Variants in R3HDM4 observed in about 807,000 individuals in gnomAD.
R3HDM4 encodes R3H domain containing 4.
R3HDM4 carries 30 observed loss-of-function variants against 31.3 expected under a neutral mutation model. The ratio of observed to expected loss-of-function variants is 0.96; its 90% CI spans 0.72 to 1.30. R3HDM4 has a LOEUF of 1.30. Among genes scored for constraint, R3HDM4 ranks in the 50% most tolerant of loss-of-function variants. R3HDM4 has a pLI of 0.00. For missense variants in R3HDM4, 444 were observed against 366.1 expected (o/e 1.21, Z -1.74); for synonymous variants, 196 against 156.6 (o/e 1.25, Z -1.88).
rs758111135 is a variant in R3HDM4, at chr19:900,863, C to T, written c.441G>A (p.Arg147=). 3 of 1,555,616 alleles carry T rather than the reference C, an allele frequency of 1.9e-6. No individual in the cohort carries two copies. The highest frequency in any genetic ancestry group is 1.7e-6 in the Non-Finnish European group (2 of 1,151,528). Residue 147 remains arginine (R), a synonymous_variant, in exon 4 of 8, where the codon AGG becomes AGA. Transcript: ENST00000361574. ...GGTCCTCCCCACGGCCAGGGCCCCT[C>T]CTCCGCGCCTTGCTCCTGCCCTCAT... ...LEDEGRSKAR[R]RGPGRGEDRR...
At chr19:906,151 A>T (rs2036902206) in intron 1 of R3HDM4, among the ~76,000 whole-genome samples, 6 of 151,296 alleles carry the variant, frequency 4.0e-5, no homozygotes, top group Admixed American at 3.9e-4. Flanking sequence ...CAGCCTCCGG[A>T]GTAGCTGGGT....
At chr19:910,053 C>T (rs2036952954) in intron 1 of R3HDM4, among the ~76,000 whole-genome samples, 1 of 151,870 alleles carries the variant, frequency 6.6e-6, no homozygotes, top group Admixed American at 6.6e-5. Context: ...AGGCCGGGCG[C>T]AGTGGCTCAT....
At chr19:906,354 G>A (rs1219747818) in intron 1 of R3HDM4, among the ~76,000 whole-genome samples, 1 of 151,774 alleles carries the variant, frequency 6.6e-6, no homozygotes, top group Non-Finnish European at 1.5e-5. Flanking sequence ...CGAGTAGCTG[G>A]GACTACAGGT....
chr19:903,168 C>T (rs901226), intron 1 of R3HDM4, among the ~76,000 whole-genome samples: 7,812 of 151,546 alleles, frequency 0.052, 658 homozygotes, highest in African/African-American at 0.18. Context: ...TATCCACATC[C>T]CCCACTCCCA....
intron 2 of R3HDM4, 178 bp from the exon 3 acceptor site, chr19:901,724 A>G: frequency 1.1e-6 from 1 of 923,232 alleles, no homozygotes. Flanking sequence ...TGGATTGTCG[A>G]ACTCCTATAT....
intron 2 of R3HDM4, chr19:901,772 T>G: frequency 1.5e-5 from 7 of 461,964 alleles, no homozygotes; most frequent in Non-Finnish European, 2.8e-5. Context: ...CGGGGCGCCC[T>G]CCCACCCAGC....
intron 3 of R3HDM4, 191 bp downstream of exon 3, chr19:901,231 C>T (rs940044627): frequency 1.4e-6 from 1 of 693,358 alleles, no homozygotes; most frequent in Admixed American, 3.0e-5. Flanking sequence ...AATCCAGGAG[C>T]TCGAAGGTTC....
chr19:899,338 T>G lies in R3HDM4; in HGVS notation c.703+102A>C. ...CCCCACTCCAGCCCCCTTCCCCACC[T>G]CCCCACCAAGCCCCACTCTGAGGAA... On this transcript the variant is annotated intron_variant, in intron 7 of 7. Transcript: ENST00000361574. The surrounding 1 kb of genome is among the most constrained non-coding windows in gnomAD (Gnocchi z 6.8). 1 of 708,144 alleles carries G rather than the reference T, an allele frequency of 1.4e-6. No homozygotes were observed. 43.9% of individuals were successfully genotyped at this position (708,144 alleles called of 1,614,324 possible). A position where few individuals can be genotyped will look rare whatever the true frequency, so the allele number is the denominator to read the frequency against.
intron 1 of R3HDM4, among the ~76,000 whole-genome samples, chr19:908,702 T>C (rs1568343312): frequency 6.6e-6 from 1 of 152,198 alleles, no homozygotes; most frequent in Non-Finnish European, 1.5e-5. Flanking sequence ...CCCCGGTCTC[T>C]GCCTGATGCA....
At chr19:905,950 G>C (rs1793752811) in intron 1 of R3HDM4, among the ~76,000 whole-genome samples, 1 of 152,200 alleles carries the variant, frequency 6.6e-6, no homozygotes, top group African/African-American at 2.4e-5. Context: ...CTCCTCGCCA[G>C]GCTGCGGCGT....
At position 897,410 on chromosome 19, in the gene R3HDM4, G is replaced by A. The variant is rs773984131; in HGVS notation, c.*27C>T. ...GGAGGGCTTGATGGCTGGGCGAGGTGGCAGCGGGGTCTCCGCGGGGCCGCC... is the reference window on the plus strand; with the variant it reads ...GGAGGGCTTGATGGCTGGGCGAGGTAGCAGCGGGGTCTCCGCGGGGCCGCC... On this transcript the variant is annotated 3_prime_UTR_variant, in exon 8 of 8. Coordinates refer to ENST00000361574, the MANE Select transcript of R3HDM4 (RefSeq NM_138774.4). The A allele has an allele frequency of 6.6e-7, 1 of 1,518,394 alleles. No individual in the cohort carries two copies. The highest frequency in any genetic ancestry group is 2.3e-5 in the East Asian group (1 of 43,250). The allele number at this position is 1,518,394 out of a possible 1,614,324, so 94.1% of individuals were successfully genotyped here.
In R3HDM4 at chr19:899,423, GGGCCACCGGCACTTACT is replaced by G. The variant is rs781736647; in HGVS notation, c.703_703+16del. ...TGAGCTGGCCAACTTGGGGTCTTGG[GGGCCACCGGCACTTACT>G]GGCCGAGATGAGGTCCATGTACTGG... On this transcript the variant is annotated splice_donor_variant and splice_donor_5th_base_variant and coding_sequence_variant and intron_variant, in exon 7 of 8. Transcript: ENST00000361574. LOFTEE classifies it high-confidence loss of function. This position sits in a 1 kb window ranked among gnomAD's most constrained non-coding sequence, Gnocchi z 6.8. The G allele has an allele frequency of 6.2e-7, 1 of 1,613,410 alleles. No individual in the cohort carries two copies. Among genetic ancestry groups the G allele is most frequent in the African/African-American group, 1.3e-5 (1 of 75,018 alleles).
At position 907,916 on chromosome 19, in the gene R3HDM4, T is replaced by C. The variant is rs1334033965; in HGVS notation, c.71+5171A>G. ...ACTTCAACCAGTTTCCAGCAGGAAA[T>C]TAAGAAACATCTTCAAGCTTGTCAT... On this transcript the variant is annotated intron_variant, in intron 1 of 7. Coordinates refer to ENST00000361574, the MANE Select transcript of R3HDM4 (RefSeq NM_138774.4). The surrounding 1 kb of genome is among the most constrained non-coding windows in gnomAD (Gnocchi z 4.1). Among the ~76,000 whole-genome samples, 3 of 152,052 alleles carry C rather than the reference T, an allele frequency of 2.0e-5. No homozygotes were observed. Among genetic ancestry groups the C allele is most frequent in the African/African-American group, 7.2e-5 (3 of 41,406 alleles).
rs1439531344 is a variant in R3HDM4 at position 907,028 on chromosome 19, T to C, written c.72-4898A>G. ...ACGGGGTTTCACCATGTTGGCAGGC[T>C]GGTCTTGAACTCCTGACCTTAAGTG... On this transcript the variant is annotated intron_variant, in intron 1 of 7. Coordinates refer to ENST00000361574, the MANE Select transcript of R3HDM4 (RefSeq NM_138774.4). The surrounding 1 kb of genome is among the most constrained non-coding windows in gnomAD (Gnocchi z 4.1). 6.6e-6 allele frequency among the ~76,000 whole-genome samples: 1 copy of C among 151,958 alleles called. No homozygotes were observed. Among genetic ancestry groups the C allele is most frequent in the Non-Finnish European group, 1.5e-5 (1 of 67,980 alleles).
rs768770446 is a variant in R3HDM4 at position 901,510 on chromosome 19, C to G, written c.263G>C (p.Gly88Ala). ...GTCCCCATCCTCCAGGCCAGGCAGGCCCCCGTCTGTCTCCAGCAGGGTCAG... is the reference window on the plus strand; with the variant it reads ...GTCCCCATCCTCCAGGCCAGGCAGGGCCCCGTCTGTCTCCAGCAGGGTCAG... Reference protein sequence around the residue: ...YLLTLLETDGGLPGLEDGDLA... With the variant: ...YLLTLLETDGALPGLEDGDLA... Residue 88 changes from glycine (G) to alanine (A), a missense_variant, in exon 3 of 8, where the codon GGC (glycine) becomes GCC (alanine). Coordinates refer to ENST00000361574, the MANE Select transcript of R3HDM4 (RefSeq NM_138774.4). The G allele has an allele frequency of 6.2e-7, 1 of 1,608,272 alleles. No homozygotes were observed. Among genetic ancestry groups the G allele is most frequent in the South Asian group, 1.1e-5 (1 of 90,796 alleles).
rs763552609 is a variant in R3HDM4 at position 900,076 on chromosome 19, G to A, written c.546C>T (p.Arg182=). Residue 182 remains arginine (R), a synonymous_variant, in exon 5 of 8, where the codon CGC becomes CGT. Coordinates refer to ENST00000361574, the MANE Select transcript of R3HDM4 (RefSeq NM_138774.4). ...CCCCACTCACCATGGGGATGCGGCT[G>A]CGCTTGAGGACGGCTCGCAGACGCC... The part of the protein sequence containing the change: ...ISRRLRAVLK[R]SRIPMETLET... 13 of 1,611,682 alleles carry A rather than the reference G, an allele frequency of 8.1e-6. No individual in the cohort carries two copies. The highest frequency in any genetic ancestry group is 1.7e-4 in the Middle Eastern group (1 of 6,004).
intron 1 of R3HDM4, among the ~76,000 whole-genome samples, chr19:906,503 C>T (rs2036907600): frequency 1.3e-5 from 2 of 152,114 alleles, no homozygotes; most frequent in African/African-American, 4.8e-5. Flanking sequence ...CGGGCATGAG[C>T]CACCGCGCCC....
Position 913,071 on chromosome 19 carries a change from G to T in R3HDM4, c.71+16C>A, listed in dbSNP as rs1413020560. The T allele has an allele frequency of 1.1e-6, 1 of 891,128 alleles. No homozygotes were observed. The highest frequency in any genetic ancestry group is 1.4e-6 in the Non-Finnish European group (1 of 731,868). The allele number at this position is 891,128 out of a possible 1,614,324, so 55.2% of individuals were successfully genotyped here. A position where few individuals can be genotyped will look rare whatever the true frequency, so the allele number is the denominator to read the frequency against. ...CCGCCCCCGGCGCCCGCCGCGCCCC[G>T]CCCGCCCGCGCTCACAGCAGCCGCC... On this transcript the variant is annotated intron_variant, in intron 1 of 7. Coordinates refer to ENST00000361574, the MANE Select transcript of R3HDM4 (RefSeq NM_138774.4). The surrounding 1 kb of genome is among the most constrained non-coding windows in gnomAD (Gnocchi z 5.0).
Position 897,212 on chromosome 19 carries a change from T to A in R3HDM4, c.*225A>T. The A allele has an allele frequency of 2.0e-6, 1 of 503,742 alleles. No individual in the cohort carries two copies. The highest frequency in any genetic ancestry group is 3.3e-5 in the East Asian group (1 of 30,270). 31.2% of individuals were successfully genotyped at this position (503,742 alleles called of 1,614,324 possible). A position where few individuals can be genotyped will look rare whatever the true frequency, so the allele number is the denominator to read the frequency against. Reference sequence around the variant, plus strand: ...TCAGGTCTCCCCACCCAAACACAAGTCCCGGAGTGGGAAGCTTGGAGCTGG... The same window carrying A: ...TCAGGTCTCCCCACCCAAACACAAGACCCGGAGTGGGAAGCTTGGAGCTGG... On this transcript the variant is annotated 3_prime_UTR_variant, in exon 8 of 8. Transcript: ENST00000361574.
Sources: gnomAD v4.1 joint callset for allele counts (sites outside exome capture counted in the v4.1 genomes callset) on GRCh38, gnomAD v4.1.1 for gene constraint, Gnocchi (gnomAD v3.1) non-coding constraint, MANE v1.5 for transcripts, NCBI Gene and HGNC (gene_info 2026-07-23, HGNC 2026-07-21) for gene names.